Variants in MLLT1 observed in about 807,000 individuals in gnomAD.
MLLT1 encodes MLLT1 super elongation complex subunit, also known as protein ENL.
In MLLT1, 11 loss-of-function variants were observed where a neutral mutation model predicts 55.1. The ratio of observed to expected loss-of-function variants is 0.20; its 90% confidence interval spans 0.13 to 0.33. The LOEUF (loss-of-function observed/expected upper bound fraction) is 0.33. Among genes scored for constraint, MLLT1 ranks in the 10% least tolerant of loss-of-function variants. The pLI is 1.00. For synonymous variants in MLLT1, 323 were observed against 320.1 expected (o/e 1.01, Z -0.10); for missense variants, 536 against 760.6 (o/e 0.70, Z 3.47).
In MLLT1 at chr19:6,270,705, G is replaced by A; in HGVS notation, c.67C>T (p.Pro23Ser). 1 of 1,614,014 alleles carries A rather than the reference G, an allele frequency of 6.2e-7. No homozygotes were observed. Among genetic ancestry groups the A allele is most frequent in the East Asian group, 2.2e-5 (1 of 44,866 alleles). ...LGHRAQLRKK[P>S]TTEGFTHDWM... is the part of the protein sequence containing the mutation. ...TCGTGAGTGAACCCCTCCGTGGTGG[G>A]CTTCTTGCGCAGTTGGGCGCGATGC... The change falls in exon 2 of 12, where the codon CCC becomes TCC. Residue 23 changes from proline to serine, a missense_variant. This residue lies in a region of MLLT1 where 62 missense variants were observed against 195.8 expected (regional missense o/e 0.32). Coordinates refer to ENST00000252674, the MANE Select transcript of MLLT1 (RefSeq NM_005934.4). The surrounding 1 kb of genome is among the most constrained non-coding windows in gnomAD (Gnocchi z 7.1).
intron 3 of MLLT1, among the ~76,000 whole-genome samples, chr19:6,233,334 G>T (rs16993501): frequency 3.3e-5 from 5 of 152,198 alleles, no homozygotes; most frequent in African/African-American, 9.7e-5. Context: ...CCACGAGTCC[G>T]GTCAGAGCAG....
intron 2 of MLLT1, among the ~76,000 whole-genome samples, chr19:6,264,322 T>C (rs951651142): frequency 1.4e-5 from 2 of 146,168 alleles, no homozygotes; most frequent in African/African-American, 2.5e-5. Context: ...GAGCCAACTA[T>C]CAGGGGGAAG....
chr19:6,245,993 G>T (rs375599415), intron 3 of MLLT1, among the ~76,000 whole-genome samples: 2 of 152,004 alleles, frequency 1.3e-5, no homozygotes, highest in African/African-American at 4.8e-5. Context: ...CAGGAGAATC[G>T]CTTGAACTCA....
At position 6,229,364 on chromosome 19, in the gene MLLT1, C is replaced by T. The variant is rs988931862; in HGVS notation, c.420+1206G>A. ...TCACTCAAGCTTCTACATGGACAGA[C>T]GCCTCCTTCTTCTTAGGAGAACGAC... On this transcript the variant is annotated intron_variant, in intron 4 of 11. Transcript: ENST00000252674. This position sits in a 1 kb window ranked among gnomAD's most constrained non-coding sequence, Gnocchi z 5.2. 6.6e-6 allele frequency among the ~76,000 whole-genome samples: 1 copy of T among 152,026 alleles called. No individual in the cohort carries two copies. Among genetic ancestry groups the T allele is most frequent in the East Asian group, 1.9e-4 (1 of 5,184 alleles).
At chr19:6,234,028 G>A (rs2091036978) in intron 3 of MLLT1, among the ~76,000 whole-genome samples, 1 of 152,206 alleles carries the variant, frequency 6.6e-6, no homozygotes. Context: ...GCAGACTGGA[G>A]GGGGGATGGT....
chr19:6,265,783 A>G (rs541026960), intron 2 of MLLT1, among the ~76,000 whole-genome samples: 144 of 152,260 alleles, frequency 9.5e-4, no homozygotes, highest in Non-Finnish European at 1.7e-3. Flanking sequence ...GATTGAGGCC[A>G]TCCTGACCAA....
intron 6 of MLLT1, 69 bp from the exon 7 acceptor site, chr19:6,218,110 G>A (rs552637385): frequency 6.5e-7 from 1 of 1,528,132 alleles, no homozygotes; most frequent in African/African-American, 1.4e-5. Context: ...CAGAGACAAA[G>A]GGGGCCCCCT....
rs375348344 is a variant in MLLT1 at position 6,230,576 on chromosome 19, G to A, written c.414C>T (p.Ala138=). 28 of 1,612,914 alleles carry A rather than the reference G, an allele frequency of 1.7e-5. No homozygotes were observed. The highest frequency in any genetic ancestry group is 2.2e-5 in the East Asian group (1 of 44,890). Residue 138 remains alanine, a synonymous_variant, in exon 4 of 12, where the codon GCC becomes GCT. Transcript: ENST00000252674. This position sits in a 1 kb window ranked among gnomAD's most constrained non-coding sequence, Gnocchi z 9.0. ...AGGGGCGGGGCACACTCACCCCGCC[G>A]GCCCGCAGGAGCTTGTACCGGAACT... ...TTEFRYKLLR[A]GGVMVMPEGA...
At chr19:6,279,608 G>C (rs1318268987) in intron 1 of MLLT1, among the ~76,000 whole-genome samples, 165 bp downstream of exon 1, 1 of 151,546 alleles carries the variant, frequency 6.6e-6, no homozygotes, top group East Asian at 1.9e-4. Flanking sequence ...TCGCGGATGG[G>C]GGAGGGGCGC....
chr19:6,265,043 A>AAAAAAAAAAAC (rs1338600502), intron 2 of MLLT1, among the ~76,000 whole-genome samples: 661 of 56,186 alleles, frequency 0.012, 11 homozygotes, highest in Non-Finnish European at 0.022. Flanking sequence ...AACAGCAAAA[A>AAAAAAAAAAAC]AAAAACAAAA....
chr19:6,258,990 T>A (rs888734760), intron 3 of MLLT1, among the ~76,000 whole-genome samples: 4 of 152,318 alleles, frequency 2.6e-5, no homozygotes, highest in African/African-American at 9.6e-5. Context: ...ATCTTCCTGA[T>A]GCCTGAGAAG....
intron 6 of MLLT1, among the ~76,000 whole-genome samples, chr19:6,221,517 A>G (rs1373486509): frequency 6.6e-6 from 1 of 152,206 alleles, no homozygotes; most frequent in African/African-American, 2.4e-5. Flanking sequence ...TTCCAAGCTC[A>G]GACACTGGTG....
chr19:6,279,642 G>A (rs964672004), intron 1 of MLLT1, 131 bp downstream of exon 1: 2 of 151,758 alleles, frequency 1.3e-5, no homozygotes, highest in African/African-American at 2.4e-5. Flanking sequence ...AAAGGCCCGA[G>A]GAGCGGCGGG....
intron 3 of MLLT1, among the ~76,000 whole-genome samples, chr19:6,258,322 A>G (rs1462838256): frequency 1.7e-4 from 26 of 150,738 alleles, no homozygotes; most frequent in Admixed American, 1.7e-3. Flanking sequence ...ATACTTTTGA[A>G]TTTACCTCCT....
At position 6,212,361 on chromosome 19, in the gene MLLT1, C is replaced by T; in HGVS notation, c.*681G>A. On this transcript the variant is annotated 3_prime_UTR_variant, in exon 12 of 12. Coordinates refer to ENST00000252674, the MANE Select transcript of MLLT1 (RefSeq NM_005934.4). ...CTGCCGTGCCTGGCTCGGCCTCCAG[C>T]CCCACACCACCGCAGAGACATCTTA... is the stretch of plus-strand genomic sequence containing the variant. The T allele has an allele frequency of 9.7e-6, 9 of 926,644 alleles. No homozygotes were observed. Among genetic ancestry groups the T allele is most frequent in the Non-Finnish European group, 1.1e-5 (9 of 816,540 alleles). 57.4% of individuals were successfully genotyped at this position (926,644 alleles called of 1,614,324 possible).
intron 1 of MLLT1, among the ~76,000 whole-genome samples, chr19:6,272,341 G>A (rs1022282179): frequency 1.3e-5 from 2 of 152,128 alleles, no homozygotes; most frequent in African/African-American, 2.4e-5. Flanking sequence ...CAGGAAACGC[G>A]CACATTCCAG....
chr19:6,269,374 C>T (rs1306628637), intron 2 of MLLT1, among the ~76,000 whole-genome samples: 3 of 152,234 alleles, frequency 2.0e-5, no homozygotes, highest in Non-Finnish European at 2.9e-5. Flanking sequence ...TGTGTCCCCA[C>T]GATTAGGAAG....
rs985514082 is a variant in MLLT1, at chr19:6,212,138, G to A, written c.*904C>T. ...ATGGGAGGAGGCCGAGCCCCAGGGC[G>A]GCTGATGCGAGTCTGTCCGCGGAGA... On this transcript the variant is annotated 3_prime_UTR_variant, in exon 12 of 12. Transcript: ENST00000252674. 66 of 1,065,876 alleles carry A rather than the reference G, an allele frequency of 6.2e-5. No homozygotes were observed. Among genetic ancestry groups the A allele is most frequent in the East Asian group, 2.0e-4 (4 of 20,170 alleles). 66.0% of individuals were successfully genotyped at this position (1,065,876 alleles called of 1,614,324 possible).
intron 6 of MLLT1, among the ~76,000 whole-genome samples, chr19:6,218,798 C>T (rs868859761): frequency 5.3e-5 from 8 of 152,210 alleles, no homozygotes; most frequent in African/African-American, 1.7e-4. Context: ...GACACCTGCA[C>T]GGGGAGGGGC....
Sources: gnomAD v4.1 joint callset for allele counts (sites outside exome capture counted in the v4.1 genomes callset) on GRCh38, gnomAD v4.1.1 for gene constraint, gnomAD v4.1.1 regional missense constraint, Gnocchi (gnomAD v3.1) non-coding constraint, MANE v1.5 for transcripts, NCBI Gene and HGNC (gene_info 2026-07-23, HGNC 2026-07-21) for gene names.